Variants in GLIS1 observed in about 807,000 individuals in gnomAD.
GLIS1 encodes the protein GLIS family zinc finger 1.
Under a neutral mutation model 63.8 loss-of-function variants are expected in GLIS1, and 24 were observed. That is an observed-to-expected ratio of 0.38 (90% CI 0.27 to 0.53). The LOEUF is 0.53. Ranked by LOEUF, GLIS1 falls within the 20% of genes least tolerant of loss-of-function variation. The probability of loss-of-function intolerance (pLI) is 0.85; values close to 1 mark genes in which losing one functional copy is unlikely to be tolerated. For synonymous variants in GLIS1, 450 were observed against 482.5 expected (o/e 0.93, Z 0.88); for missense variants, 1,036 against 1,074.1 (o/e 0.96, Z 0.50).
intron 2 of GLIS1, among the ~76,000 whole-genome samples, chr1:53,676,659 C>T (rs1646215928): frequency 6.6e-6 from 1 of 152,130 alleles, no homozygotes; most frequent in Non-Finnish European, 1.5e-5. Flanking sequence ...GACAATCAGG[C>T]TGAAACAGGC....
chr1:53,647,592 C>A, intron 2 of GLIS1, among the ~76,000 whole-genome samples: 1 of 150,888 alleles, frequency 6.6e-6, no homozygotes, highest in African/African-American at 2.5e-5. Flanking sequence ...CATCTAAATA[C>A]TAAATGTAAA....
At chr1:53,712,595 C>G (rs966496691) in intron 2 of GLIS1, among the ~76,000 whole-genome samples, 7 of 152,146 alleles carry the variant, frequency 4.6e-5, no homozygotes, top group African/African-American at 1.7e-4. Flanking sequence ...CTTTGAAGGC[C>G]GGGCCCAGCA....
intron 2 of GLIS1, among the ~76,000 whole-genome samples, chr1:53,676,502 C>A (rs886381484): frequency 4.6e-5 from 7 of 152,168 alleles, no homozygotes; most frequent in African/African-American, 1.7e-4. Flanking sequence ...AGGATCTTTC[C>A]ACCTCCTCAC....
intron 2 of GLIS1, among the ~76,000 whole-genome samples, chr1:53,637,277 G>A (rs1370734663): frequency 6.6e-6 from 1 of 152,226 alleles, no homozygotes; most frequent in Non-Finnish European, 1.5e-5. Context: ...AGGCTCCCAG[G>A]AGGAAGGAGC....
intron 2 of GLIS1, among the ~76,000 whole-genome samples, chr1:53,632,723 G>A (rs1441630882): frequency 2.0e-5 from 3 of 149,022 alleles, no homozygotes; most frequent in African/African-American, 2.5e-5. Context: ...GTGACTGAGG[G>A]GCATGTATAT....
At chr1:53,666,118 G>A (rs564361003) in intron 2 of GLIS1, among the ~76,000 whole-genome samples, 2 of 152,330 alleles carry the variant, frequency 1.3e-5, no homozygotes, top group Admixed American at 1.3e-4. Context: ...GCCAGGCTTT[G>A]AACCTGCACT....
chr1:53,691,497 C>T lies in GLIS1; in HGVS notation c.259+46309G>A, dbSNP rs534701961. Among the ~76,000 whole-genome samples the T allele has an allele frequency of 9.2e-5, 14 of 152,296 alleles. 1 individual carries two copies. The South Asian group carries it at 1.4e-3, about 16-fold the overall frequency. ...GATGAGGACCCCGGGCCCAGGATCC[C>T]AGATTCACACGGACTGGGAGGAGCT... On this transcript the variant is annotated intron_variant, in intron 2 of 10. Coordinates refer to ENST00000628545, the MANE Select transcript of GLIS1 (RefSeq NM_001367484.1).
chr1:53,520,219 T>C (rs1644392352), intron 7 of GLIS1, among the ~76,000 whole-genome samples: 1 of 151,012 alleles, frequency 6.6e-6, no homozygotes, highest in African/African-American at 2.4e-5. Context: ...TCATGAAGGG[T>C]AGGAGAAGAG....
intron 7 of GLIS1, among the ~76,000 whole-genome samples, chr1:53,519,236 C>A (rs984931114): frequency 1.3e-5 from 2 of 152,174 alleles, no homozygotes; most frequent in Non-Finnish European, 2.9e-5. Context: ...TCTAGCTAGA[C>A]GTGAGGAGGG....
At chr1:53,530,019 C>T (rs928930729) in intron 4 of GLIS1, 67 bp from the exon 5 acceptor site, 1 of 1,475,946 alleles carries the variant, frequency 6.8e-7, no homozygotes, top group Non-Finnish European at 9.2e-7. Flanking sequence ...TGGAAACTAA[C>T]CCCCCAGGCC....
intron 2 of GLIS1, among the ~76,000 whole-genome samples, chr1:53,694,011 G>A (rs372518586): frequency 6.6e-6 from 1 of 152,106 alleles, no homozygotes; most frequent in Non-Finnish European, 1.5e-5. Context: ...CTCACGAAGA[G>A]GAGGAAACAG....
At chr1:53,697,567 C>A (rs1291300375) in intron 2 of GLIS1, among the ~76,000 whole-genome samples, 1 of 152,212 alleles carries the variant, frequency 6.6e-6, no homozygotes, top group Non-Finnish European at 1.5e-5. Flanking sequence ...AGAGATCCAA[C>A]CCCTGCTCAG....
At chr1:53,563,345 G>A (rs747465007) in intron 4 of GLIS1, among the ~76,000 whole-genome samples, 8 of 152,228 alleles carry the variant, frequency 5.3e-5, no homozygotes, top group South Asian at 2.1e-4. Context: ...AGGAGTGAAA[G>A]GGCACAATCA....
intron 4 of GLIS1, among the ~76,000 whole-genome samples, chr1:53,545,536 T>C (rs918216712): frequency 2.0e-5 from 3 of 152,240 alleles, no homozygotes; most frequent in African/African-American, 7.2e-5. Flanking sequence ...AAGTATAGTA[T>C]GATTCCATTT....
intron 2 of GLIS1, among the ~76,000 whole-genome samples, chr1:53,708,750 G>A (rs911920161): frequency 7.2e-5 from 11 of 152,062 alleles, no homozygotes; most frequent in African/African-American, 2.7e-4. Context: ...CTCCCTGGCT[G>A]CCCCTCTGAC....
intron 4 of GLIS1, among the ~76,000 whole-genome samples, chr1:53,576,657 T>C (rs577888370): frequency 1.3e-5 from 2 of 152,240 alleles, no homozygotes; most frequent in South Asian, 4.1e-4. Context: ...ATGGATCAGC[T>C]CCGCCTTCCT....
intron 2 of GLIS1, among the ~76,000 whole-genome samples, chr1:53,650,765 C>T (rs923601797): frequency 4.6e-5 from 7 of 152,190 alleles, no homozygotes; most frequent in African/African-American, 1.4e-4. Context: ...GCGGAAGGAA[C>T]GAATAGGTGA....
At position 53,520,704 on chromosome 1, in the gene GLIS1, G is replaced by C; in HGVS notation, c.1656C>G (p.Leu552=). ...TGGCAGCCAGCTGTGTGGACGTGTG[G>C]AGCTGCTGCAGGACCAGACACTCGG... ...VLTECLVLQQ[L]HTSTQLAASD... Residue 552 remains leucine (L), a synonymous_variant, in exon 7 of 11, where the codon CTC becomes CTG. Transcript: ENST00000628545. The C allele has an allele frequency of 6.2e-7, 1 of 1,607,396 alleles. No homozygotes were observed. The highest frequency in any genetic ancestry group is 8.5e-7 in the Non-Finnish European group (1 of 1,177,716).
chr1:53,737,757 C>A, intron 2 of GLIS1, 49 bp downstream of exon 2: 1 of 1,230,374 alleles, frequency 8.1e-7, no homozygotes, highest in Non-Finnish European at 1.0e-6. Flanking sequence ...CGCCGGGCAG[C>A]CCGAATCTCC....
Sources: allele counts gnomAD v4.1 joint callset (sites outside exome capture counted in the v4.1 genomes callset), GRCh38; gene constraint gnomAD v4.1.1; transcripts MANE v1.5; gene names NCBI Gene and HGNC (gene_info 2026-07-23, HGNC 2026-07-21).